The following LRRK2 variants were observed in gnomAD, a reference collection of about 807,000 sequenced individuals.
LRRK2 encodes leucine-rich repeat serine/threonine-protein kinase 2.
Under a neutral mutation model 302.6 loss-of-function variants are expected in LRRK2, and 203 were observed. That is an observed-to-expected ratio of 0.67 (90% CI 0.60 to 0.75). LRRK2 has a LOEUF of 0.75. Ranked by LOEUF, LRRK2 falls within the 30% of genes least tolerant of loss-of-function variation. The pLI, the probability that LRRK2 is intolerant of heterozygous loss-of-function variation, is 0.00. For synonymous variants in LRRK2, 1,066 were observed against 1,031.9 expected (o/e 1.03, Z -0.63); for missense variants, 2,830 against 2,951.0 (o/e 0.96, Z 0.95).
At chr12:40,290,077 G>A (rs1944082596) in intron 20 of LRRK2, among the ~76,000 whole-genome samples, 2 of 151,840 alleles carry the variant, frequency 1.3e-5, no homozygotes, top group Admixed American at 1.3e-4. Context: ...TTTCATAGAT[G>A]CCCTTCATCA....
At chr12:40,338,446 T>C (rs985012692) in intron 40 of LRRK2, among the ~76,000 whole-genome samples, 1 of 152,156 alleles carries the variant, frequency 6.6e-6, no homozygotes, top group Admixed American at 6.5e-5. Flanking sequence ...ATAATCACAA[T>C]CAAAGAATGA....
chr12:40,334,985 C>T lies in LRRK2; in HGVS notation c.5776C>T (p.His1926Tyr), dbSNP rs1945825493. Residue 1926 changes from histidine to tyrosine, a missense_variant, in exon 40 of 51, where the codon CAC (histidine) becomes TAC (tyrosine). Around this residue, in one of 3 missense-constraint regions of LRRK2, gnomAD observed 253 missense variants for 346.7 expected, o/e 0.73. Transcript: ENST00000298910. ...LLRQELVVLC[H>Y]LHHPSLISLL... ...TTTGCAGGAGCTTGTGGTGCTTTGC[C>T]ACCTCCACCACCCCAGTTTGATATC... 1 of 1,613,846 alleles carries T rather than the reference C, an allele frequency of 6.2e-7. No individual in the cohort carries two copies. The highest frequency in any genetic ancestry group is 1.1e-5 in the South Asian group (1 of 91,072).
chr12:40,240,055 A>G (rs970678710), intron 5 of LRRK2, among the ~76,000 whole-genome samples: 1 of 152,114 alleles, frequency 6.6e-6, no homozygotes. Flanking sequence ...CAAGTTGACA[A>G]CTCTTGAACT....
Position 40,249,916 on chromosome 12 carries a change from T to G in LRRK2, c.929T>G (p.Ile310Ser). The change falls in exon 8 of 51, where the codon ATC becomes AGC. Residue 310 changes from isoleucine to serine, a missense_variant. Ile to Ser is a moderately radical substitution (Grantham distance 142). Around this residue, in one of 3 missense-constraint regions of LRRK2, gnomAD observed 2,121 missense variants for 2,148.0 expected, o/e 0.99. Transcript: ENST00000298910. ...TACCCAGAGAATGCAGCATTGCAGATCTCAGCGCTCAGCTGTTTGGCCCTC... is the reference window on the plus strand; with the variant it reads ...TACCCAGAGAATGCAGCATTGCAGAGCTCAGCGCTCAGCTGTTTGGCCCTC... ...QQYPENAALQISALSCLALLT... is the reference protein window; with the variant it reads ...QQYPENAALQSSALSCLALLT... 1 of 1,613,894 alleles carries G rather than the reference T, an allele frequency of 6.2e-7. No homozygotes were observed. The highest frequency in any genetic ancestry group is 8.5e-7 in the Non-Finnish European group (1 of 1,179,820).
chr12:40,340,682 A>G (rs1946012003), intron 41 of LRRK2, among the ~76,000 whole-genome samples: 1 of 152,240 alleles, frequency 6.6e-6, no homozygotes, highest in Admixed American at 6.5e-5. Context: ...AAAGAAGAGA[A>G]TGTTTGATAT....
chr12:40,369,151 T>C lies in LRRK2; in HGVS notation c.*1386T>C, dbSNP rs200066955. ...TTATGTAATTAACAAAAAAATCATA[T>C]ATAATAGAGCTCTTTGTTCCAGTGT... On this transcript the variant is annotated 3_prime_UTR_variant, in exon 51 of 51. Coordinates refer to ENST00000298910, the MANE Select transcript of LRRK2 (RefSeq NM_198578.4). 6.6e-6 allele frequency: 1 copy of C among 151,906 alleles called. No individual in the cohort carries two copies. The highest frequency in any genetic ancestry group is 1.5e-5 in the Non-Finnish European group (1 of 67,832). The allele number at this position is 151,906 out of a possible 1,614,324, so 9.4% of individuals were successfully genotyped here.
chr12:40,324,237 T>C (rs1415024737), intron 38 of LRRK2, among the ~76,000 whole-genome samples: 1 of 152,192 alleles, frequency 6.6e-6, no homozygotes, highest in Non-Finnish European at 1.5e-5. Context: ...TGTACAAATT[T>C]TTTTAATTGA....
At chr12:40,358,598 A>G (rs1414065929) in intron 46 of LRRK2, among the ~76,000 whole-genome samples, 7 of 152,256 alleles carry the variant, frequency 4.6e-5, no homozygotes, top group East Asian at 1.9e-4. Flanking sequence ...GTTTTTGCCA[A>G]TACTGTGCTG....
intron 2 of LRRK2, among the ~76,000 whole-genome samples, chr12:40,228,710 T>C (rs1202005116): frequency 1.3e-5 from 2 of 152,168 alleles, no homozygotes; most frequent in Non-Finnish European, 2.9e-5. Flanking sequence ...AGTGTTTTCT[T>C]CTAGTAGTTG....
At chr12:40,299,494 A>G (rs913037974) in intron 25 of LRRK2, among the ~76,000 whole-genome samples, 2 of 152,226 alleles carry the variant, frequency 1.3e-5, no homozygotes, top group Admixed American at 1.3e-4. Flanking sequence ...TGAAAAGGCT[A>G]CATACTATTC....
At chr12:40,281,081 A>AC (rs397939123) in intron 18 of LRRK2, among the ~76,000 whole-genome samples, 1 of 149,906 alleles carries the variant, frequency 6.7e-6, no homozygotes, top group East Asian at 1.9e-4. Flanking sequence ...AAAAAAAAAA[A>AC]CAAAAAACGA....
At chr12:40,229,844 A>G (rs1941084847) in intron 2 of LRRK2, among the ~76,000 whole-genome samples, 1 of 152,066 alleles carries the variant, frequency 6.6e-6, no homozygotes, top group Admixed American at 6.6e-5. Flanking sequence ...CAGTTGCCTG[A>G]ATCTTTTTGC....
rs140452461 is a variant in LRRK2, at chr12:40,226,404, A to G, written c.237+764A>G. Among the ~76,000 whole-genome samples, 3 of 152,348 alleles carry G rather than the reference A, an allele frequency of 2.0e-5. No individual in the cohort carries two copies. The East Asian group carries it at 5.8e-4, about 29-fold the overall frequency. ...AACTGAAATCAGTTTTGTCATCTGCATGTTAACTCATGCAGAGAAAGAGAA... is the reference window on the plus strand; with the variant it reads ...AACTGAAATCAGTTTTGTCATCTGCGTGTTAACTCATGCAGAGAAAGAGAA... On this transcript the variant is annotated intron_variant, in intron 2 of 50. Transcript: ENST00000298910.
intron 13 of LRRK2, among the ~76,000 whole-genome samples, chr12:40,260,830 G>A (rs1338427842): frequency 6.6e-6 from 1 of 152,148 alleles, no homozygotes; most frequent in Non-Finnish European, 1.5e-5. Flanking sequence ...TCTGTTTGAT[G>A]TGACATCGTG....
At chr12:40,300,984 AATGGTCATACCTAG>A (rs1944603290) in intron 25 of LRRK2, 1 of 469,714 alleles carries the variant, frequency 2.1e-6, no homozygotes, top group Non-Finnish European at 4.4e-6. Flanking sequence ...CAATGATCCT[AATGGTCATACCTAG>A]GACAGGTATG....
intron 23 of LRRK2, among the ~76,000 whole-genome samples, chr12:40,296,421 T>C (rs897463664): frequency 4.6e-5 from 7 of 152,230 alleles, no homozygotes; most frequent in African/African-American, 1.7e-4. Context: ...CTTTTTGAGT[T>C]CAGGAGTTCA....
rs778716127 is a variant in LRRK2, at chr12:40,303,933, T to C, written c.3591-15T>C. 10 of 1,612,618 alleles carry C rather than the reference T, an allele frequency of 6.2e-6. No homozygotes were observed. In the Admixed American group the frequency reaches 1.3e-4, roughly 22 times the overall value. The stretch of plus-strand genomic sequence containing the variant: ...ATACTCATTTGGTTTATGTCTTTTC[T>C]GTGTATTGTTTTAGCTTGCGGTCTT... On this transcript the variant is annotated splice_polypyrimidine_tract_variant and intron_variant, in intron 26 of 50. Transcript: ENST00000298910.
At position 40,346,738 on chromosome 12, in the gene LRRK2, T is replaced by C; in HGVS notation, c.6110-15T>C. 1 of 1,613,008 alleles carries C rather than the reference T, an allele frequency of 6.2e-7. No homozygotes were observed. The stretch of plus-strand genomic sequence containing the variant: ...GATGTTGGTCATATTTATTATTTTA[T>C]CTGCTTACTTTCAGGGTTTCGTGCA... On this transcript the variant is annotated splice_polypyrimidine_tract_variant and intron_variant, in intron 41 of 50. Coordinates refer to ENST00000298910, the MANE Select transcript of LRRK2 (RefSeq NM_198578.4).
In LRRK2 at chr12:40,356,108, C is replaced by G; in HGVS notation, c.6771-7C>G. The G allele has an allele frequency of 6.2e-7, 1 of 1,604,122 alleles. No homozygotes were observed. Among genetic ancestry groups the G allele is most frequent in the Non-Finnish European group, 8.5e-7 (1 of 1,173,210 alleles). Reference sequence around the variant, plus strand: ...TTTTGTAACAATTTCAACATTTTTCCTTTTAGCAAACAAAAAAATTTTCTT... The same window carrying G: ...TTTTGTAACAATTTCAACATTTTTCGTTTTAGCAAACAAAAAAATTTTCTT... On this transcript the variant is annotated splice_polypyrimidine_tract_variant and splice_region_variant and intron_variant, in intron 45 of 50. Transcript: ENST00000298910.
Sources: gnomAD v4.1 joint callset for allele counts (sites outside exome capture counted in the v4.1 genomes callset) on GRCh38, gnomAD v4.1.1 for gene constraint, gnomAD v4.1.1 regional missense constraint, MANE v1.5 for transcripts, NCBI Gene and HGNC (gene_info 2026-07-23, HGNC 2026-07-21) for gene names.